RAB40B: variants seen among roughly 807,000 people sequenced by gnomAD.
The protein encoded by RAB40B is ras-related protein Rab-40B.
In RAB40B, 21 loss-of-function variants were observed where a neutral mutation model predicts 24.0. The ratio of observed to expected loss-of-function variants is 0.88; its 90% CI spans 0.62 to 1.26. The LOEUF (loss-of-function observed/expected upper bound fraction) is 1.26. Among genes scored for constraint, RAB40B ranks in the 50% most tolerant of loss-of-function variants. The pLI is 0.00. For missense variants in RAB40B, 348 were observed against 390.5 expected (o/e 0.89, Z 0.92); for synonymous variants, 167 against 169.8 (o/e 0.98, Z 0.13).
At chr17:82,668,965 C>T (rs1263537271) in intron 1 of RAB40B, among the ~76,000 whole-genome samples, 1 of 152,236 alleles carries the variant, frequency 6.6e-6, no homozygotes, top group African/African-American at 2.4e-5. Flanking sequence ...GGCGTAGCCT[C>T]CATTGCTGTC....
At chr17:82,664,684 A>G in intron 1 of RAB40B, 128 bp from the exon 2 acceptor site, 1 of 858,108 alleles carries the variant, frequency 1.2e-6, no homozygotes, top group East Asian at 2.7e-5. Flanking sequence ...GGCGGATGGG[A>G]CCCCCTCCCT....
At chr17:82,673,253 T>C (rs1034395098) in intron 1 of RAB40B, among the ~76,000 whole-genome samples, 2 of 152,254 alleles carry the variant, frequency 1.3e-5, no homozygotes, top group Non-Finnish European at 2.9e-5. Flanking sequence ...ATTGTTTACT[T>C]GTTCAGTTTT....
rs569103069 is a variant in RAB40B at position 82,689,692 on chromosome 17, G to A, written c.142+8763C>T. On this transcript the variant is annotated intron_variant, in intron 1 of 5. Transcript: ENST00000571995. The stretch of plus-strand genomic sequence containing the variant: ...GAGGTAAAGAAGTAGAAAACTGGCC[G>A]GGCACGTGGCTCACACCTGTAATCC... Among the ~76,000 whole-genome samples the A allele has an allele frequency of 6.6e-5, 10 of 152,250 alleles. No homozygotes were observed. The East Asian group carries it at 9.6e-4, about 15-fold the overall frequency.
chr17:82,679,060 T>C (rs2046423625), intron 1 of RAB40B, among the ~76,000 whole-genome samples: 1 of 150,716 alleles, frequency 6.6e-6, no homozygotes, highest in South Asian at 2.1e-4. Context: ...TTTTTTTGTA[T>C]TTTTAGTAGA....
At chr17:82,682,318 A>G (rs1018363557) in intron 1 of RAB40B, among the ~76,000 whole-genome samples, 3 of 152,234 alleles carry the variant, frequency 2.0e-5, no homozygotes, top group African/African-American at 4.8e-5. Context: ...TAGGTACAGT[A>G]GCCCCCAAAC....
Position 82,698,400 on chromosome 17 carries a change from G to A in RAB40B, c.142+55C>T, listed in dbSNP as rs1011667267. On this transcript the variant is annotated intron_variant, in intron 1 of 5. Transcript: ENST00000571995. ...CCACCCGCACCCCCTCCCCAGCCCCGCGCCCCTCCCCGGCCCCGCGCCCGC... is the reference window on the plus strand; with the variant it reads ...CCACCCGCACCCCCTCCCCAGCCCCACGCCCCTCCCCGGCCCCGCGCCCGC... 8 of 89,352 alleles carry A rather than the reference G, an allele frequency of 9.0e-5. No homozygotes were observed. The East Asian group carries it at 3.2e-3, about 36-fold the overall frequency. 5.5% of individuals were successfully genotyped at this position (89,352 alleles called of 1,614,324 possible).
chr17:82,668,470 G>A (rs976923835), intron 1 of RAB40B, among the ~76,000 whole-genome samples: 2 of 152,228 alleles, frequency 1.3e-5, no homozygotes, highest in Non-Finnish European at 2.9e-5. Flanking sequence ...CATGCCAAGG[G>A]GCGCCTGCAG....
At position 82,697,341 on chromosome 17, in the gene RAB40B, C is replaced by T. The variant is rs1281792986; in HGVS notation, c.142+1114G>A. Among the ~76,000 whole-genome samples, 2 of 152,116 alleles carry T rather than the reference C, an allele frequency of 1.3e-5. No individual in the cohort carries two copies. Among genetic ancestry groups the T allele is most frequent in the Non-Finnish European group, 2.9e-5 (2 of 68,024 alleles). The stretch of plus-strand genomic sequence containing the variant: ...CCCTCTACCGAGCAGCCTCAGATCC[C>T]GCTTCCTCCCACCCTCTCCCGCTAA... On this transcript the variant is annotated intron_variant, in intron 1 of 5. Transcript: ENST00000571995. This position sits in a 1 kb window ranked among gnomAD's most constrained non-coding sequence, Gnocchi z 4.9.
Position 82,667,839 on chromosome 17 carries a change from A to T in RAB40B, c.143-3283T>A, listed in dbSNP as rs2046277219. 6.6e-6 allele frequency among the ~76,000 whole-genome samples: 1 copy of T among 152,024 alleles called. No homozygotes were observed. On this transcript the variant is annotated intron_variant, in intron 1 of 5. Coordinates refer to ENST00000571995, the MANE Select transcript of RAB40B (RefSeq NM_006822.3). The surrounding 1 kb of genome is among the most constrained non-coding windows in gnomAD (Gnocchi z 4.3). ...GAGCGGCCAAGCAGTCCCCTGACCC[A>T]CCCAGTACGAGGCTTTCCTGAGCTG...
At chr17:82,659,129 T>C (rs2143443376) in intron 4 of RAB40B, 2 of 244,710 alleles carry the variant, frequency 8.2e-6, no homozygotes, top group East Asian at 1.9e-4. Context: ...TGCATTTCTG[T>C]TGTTCAGGAC....
At chr17:82,677,944 C>G (rs1178352996) in intron 1 of RAB40B, among the ~76,000 whole-genome samples, 1 of 152,190 alleles carries the variant, frequency 6.6e-6, no homozygotes, top group Non-Finnish European at 1.5e-5. Context: ...CTTTTTTTCT[C>G]TAAAATCAAT....
chr17:82,659,382 C>T (rs781499958), intron 4 of RAB40B, 198 bp downstream of exon 4: 3 of 579,798 alleles, frequency 5.2e-6, no homozygotes, highest in South Asian at 2.1e-5. Context: ...CCTGAGCTTT[C>T]GTGATTGTAG....
chr17:82,677,145 C>T (rs1315567119), intron 1 of RAB40B, among the ~76,000 whole-genome samples: 1 of 151,534 alleles, frequency 6.6e-6, no homozygotes, highest in Non-Finnish European at 1.5e-5. Flanking sequence ...GACGGGGTTT[C>T]ACCATGTTGG....
At chr17:82,679,602 A>G (rs901810798) in intron 1 of RAB40B, among the ~76,000 whole-genome samples, 1 of 152,100 alleles carries the variant, frequency 6.6e-6, no homozygotes, top group Non-Finnish European at 1.5e-5. Context: ...TATTTAAATC[A>G]CCTTTGTCTT....
chr17:82,676,621 ATTTTTC>A lies in RAB40B; in HGVS notation c.143-12071_143-12066del, dbSNP rs895753574. Among the ~76,000 whole-genome samples the A allele has an allele frequency of 1.1e-4, 16 of 151,000 alleles. No individual in the cohort carries two copies. In the South Asian group the frequency reaches 1.3e-3, roughly 12 times the overall value. ...ACATCTCTGCTTCAGTGGCCTACTA[ATTTTTC>A]TTTTTCTTTTTCTTTTTTGAGATGG... On this transcript the variant is annotated intron_variant, in intron 1 of 5. Coordinates refer to ENST00000571995, the MANE Select transcript of RAB40B (RefSeq NM_006822.3).
chr17:82,660,890 G>C (rs2046163476), intron 3 of RAB40B, 97 bp downstream of exon 3: 1 of 1,452,098 alleles, frequency 6.9e-7, no homozygotes, highest in Non-Finnish European at 9.5e-7. Context: ...TAACCGCCTT[G>C]TCCTCCAATC....
In RAB40B at chr17:82,663,313, C is replaced by T. The variant is rs1298490687; in HGVS notation, c.203+1183G>A. On this transcript the variant is annotated intron_variant, in intron 2 of 5. Coordinates refer to ENST00000571995, the MANE Select transcript of RAB40B (RefSeq NM_006822.3). This position sits in a 1 kb window ranked among gnomAD's most constrained non-coding sequence, Gnocchi z 6.2. ...GAGGCACACGTGGCTCGGGGGTGGC[C>T]CAGCAGGCAGGAAGGGCCAGGAGGC... 1.3e-5 allele frequency among the ~76,000 whole-genome samples: 2 copies of T among 151,986 alleles called. No homozygotes were observed. Among genetic ancestry groups the T allele is most frequent in the Non-Finnish European group, 1.5e-5 (1 of 67,958 alleles).
chr17:82,687,568 C>T (rs1252609336), intron 1 of RAB40B, among the ~76,000 whole-genome samples: 1 of 152,196 alleles, frequency 6.6e-6, no homozygotes, highest in Non-Finnish European at 1.5e-5. Context: ...GCCTGAGGCT[C>T]ATTCCTAGCT....
At chr17:82,677,693 G>A (rs1340902381) in intron 1 of RAB40B, among the ~76,000 whole-genome samples, 1 of 152,218 alleles carries the variant, frequency 6.6e-6, no homozygotes, top group Admixed American at 6.5e-5. Context: ...GGGGTTTCCA[G>A]GCACAGGTGG....
Sources: gnomAD v4.1 joint callset for allele counts (sites outside exome capture counted in the v4.1 genomes callset) on GRCh38, gnomAD v4.1.1 for gene constraint, Gnocchi (gnomAD v3.1) non-coding constraint, MANE v1.5 for transcripts, NCBI Gene and HGNC (gene_info 2026-07-23, HGNC 2026-07-21) for gene names.